MAML2: variants seen among roughly 807,000 people sequenced by gnomAD.
MAML2 encodes mastermind like transcriptional coactivator 2.
MAML2 carries 22 observed loss-of-function variants against 96.1 expected under a neutral mutation model. The ratio of observed to expected loss-of-function variants is 0.23; its 90% CI spans 0.16 to 0.33. The LOEUF (loss-of-function observed/expected upper bound fraction) is 0.33. Ranked by LOEUF, MAML2 falls within the 10% of genes least tolerant of loss-of-function variation. MAML2 has a pLI of 1.00. For missense variants in MAML2, 1,367 were observed against 1,392.4 expected (o/e 0.98, Z 0.29); for synonymous variants, 561 against 521.3 (o/e 1.08, Z -1.04).
At chr11:96,310,778 T>C (rs896383312) in intron 1 of MAML2, among the ~76,000 whole-genome samples, 6 of 152,198 alleles carry the variant, frequency 3.9e-5, no homozygotes, top group Admixed American at 2.0e-4. Context: ...GAAAATATGG[T>C]CAACTCTTCT....
At chr11:95,983,248 G>A (rs1201083707) in intron 4 of MAML2, among the ~76,000 whole-genome samples, 6 of 151,980 alleles carry the variant, frequency 3.9e-5, no homozygotes, top group South Asian at 2.1e-4. Context: ...GTTTGTGTGT[G>A]TTTGTGTCTT....
intron 1 of MAML2, among the ~76,000 whole-genome samples, chr11:96,264,645 T>G (rs1293979597): frequency 6.6e-6 from 1 of 152,218 alleles, no homozygotes; most frequent in Admixed American, 6.5e-5. Flanking sequence ...TCTACCGTAC[T>G]GGTTTCAAGT....
At chr11:96,099,032 CA>C (rs778677658) in intron 1 of MAML2, among the ~76,000 whole-genome samples, 45 of 151,684 alleles carry the variant, frequency 3.0e-4, no homozygotes, top group Non-Finnish European at 2.1e-4. Flanking sequence ...ATGTGCCACA[CA>C]AAGGTAACAA....
intron 2 of MAML2, among the ~76,000 whole-genome samples, chr11:96,043,967 A>G (rs1432798682): frequency 6.6e-6 from 1 of 152,272 alleles, no homozygotes; most frequent in Non-Finnish European, 1.5e-5. Flanking sequence ...GTAATCATCT[A>G]TGTCAATCAG....
At chr11:96,084,640 G>A (rs1489934220) in intron 2 of MAML2, among the ~76,000 whole-genome samples, 1 of 152,186 alleles carries the variant, frequency 6.6e-6, no homozygotes, top group Non-Finnish European at 1.5e-5. Context: ...GGGCAAAGAG[G>A]CTGGTTCAAA....
intron 1 of MAML2, among the ~76,000 whole-genome samples, chr11:96,142,278 C>T (rs965983287): frequency 6.6e-6 from 1 of 152,114 alleles, no homozygotes. Context: ...ATATGAGGTG[C>T]CCCTAGAAAA....
Position 96,031,117 on chromosome 11 carries a change from G to A in MAML2, c.2140-39394C>T, listed in dbSNP as rs1210565191. ...AGCACGTACGTTTCCTAGGGTTACTGTAAGAATTAACTAAGGTAATATATC... is the reference window on the plus strand; with the variant it reads ...AGCACGTACGTTTCCTAGGGTTACTATAAGAATTAACTAAGGTAATATATC... On this transcript the variant is annotated intron_variant, in intron 2 of 4. Transcript: ENST00000524717. 2.0e-5 allele frequency among the ~76,000 whole-genome samples: 3 copies of A among 152,222 alleles called. No homozygotes were observed. In the East Asian group the frequency reaches 5.8e-4, roughly 29 times the overall value.
chr11:95,979,069 T>G lies in MAML2; in HGVS notation c.3350A>C (p.Asn1117Thr). Residue 1117 changes from asparagine to threonine, a missense_variant, in exon 5 of 5, where the codon AAC becomes ACC. By Grantham distance (65) the Asn-to-Thr change is moderately conservative. Coordinates refer to ENST00000524717, the MANE Select transcript of MAML2 (RefSeq NM_032427.4). ...AFDFLSQQND[N>T]MGPALNSDAD... is the part of the protein sequence containing the mutation. ...ATCACTGTTTAGGGCAGGGCCCATG[T>G]TATCATTTTGTTGGCTGAGGAAGTC... 1.2e-6 allele frequency: 2 copies of G among 1,614,000 alleles called. No homozygotes were observed. Among genetic ancestry groups the G allele is most frequent in the Non-Finnish European group, 1.7e-6 (2 of 1,179,882 alleles).
chr11:96,330,165 T>C (rs1347157883), intron 1 of MAML2, among the ~76,000 whole-genome samples: 1 of 152,262 alleles, frequency 6.6e-6, no homozygotes, highest in East Asian at 1.9e-4. Context: ...TAATCGCTGT[T>C]TAGAGGAACA....
At chr11:96,332,890 A>G (rs910373442) in intron 1 of MAML2, among the ~76,000 whole-genome samples, 2 of 152,230 alleles carry the variant, frequency 1.3e-5, no homozygotes, top group African/African-American at 2.4e-5. Flanking sequence ...ATTGTATTCA[A>G]TTAAGCTACT....
At chr11:96,061,562 G>T (rs898066997) in intron 2 of MAML2, among the ~76,000 whole-genome samples, 1 of 152,084 alleles carries the variant, frequency 6.6e-6, no homozygotes, top group Non-Finnish European at 1.5e-5. Flanking sequence ...TGCTTCCTTG[G>T]AATATAGGTG....
At chr11:96,116,975 A>G (rs1211123526) in intron 1 of MAML2, among the ~76,000 whole-genome samples, 1 of 152,238 alleles carries the variant, frequency 6.6e-6, no homozygotes, top group Non-Finnish European at 1.5e-5. Context: ...ATAACAAATG[A>G]TGAATTGAAT....
At chr11:96,036,014 C>CA (rs1179567084) in intron 2 of MAML2, among the ~76,000 whole-genome samples, 1 of 152,002 alleles carries the variant, frequency 6.6e-6, no homozygotes, top group Non-Finnish European at 1.5e-5. Flanking sequence ...GTGAAACCCT[C>CA]AAAAAACAGA....
At chr11:96,175,778 T>TA (rs768427008) in intron 1 of MAML2, among the ~76,000 whole-genome samples, 1 of 152,054 alleles carries the variant, frequency 6.6e-6, no homozygotes, top group Non-Finnish European at 1.5e-5. Context: ...TTTATTGTAT[T>TA]TTTAGTACAG....
chr11:95,978,841 T>C lies in MAML2; in HGVS notation c.*107A>G. 1 of 1,031,440 alleles carries C rather than the reference T, an allele frequency of 9.7e-7. No individual in the cohort carries two copies. The highest frequency in any genetic ancestry group is 1.4e-6 in the Non-Finnish European group (1 of 730,448). 63.9% of individuals were successfully genotyped at this position (1,031,440 alleles called of 1,614,324 possible). On this transcript the variant is annotated 3_prime_UTR_variant, in exon 5 of 5. Coordinates refer to ENST00000524717, the MANE Select transcript of MAML2 (RefSeq NM_032427.4). ...TTCTGCTTTCCATTTTTAAGCATGT[T>C]ATCTTCATGTAGTCCACCTGAACAT...
At chr11:96,078,393 A>G (rs1201664270) in intron 2 of MAML2, among the ~76,000 whole-genome samples, 1 of 152,264 alleles carries the variant, frequency 6.6e-6, no homozygotes, top group Non-Finnish European at 1.5e-5. Flanking sequence ...GACTTTGGAT[A>G]GGCTAGCAGG....
At chr11:96,099,822 T>C (rs1361967113) in intron 1 of MAML2, among the ~76,000 whole-genome samples, 1 of 151,736 alleles carries the variant, frequency 6.6e-6, no homozygotes, top group Admixed American at 6.6e-5. Context: ...CATTTTTTAG[T>C]AGAGATGCAG....
chr11:96,078,830 C>A (rs1186981463), intron 2 of MAML2, among the ~76,000 whole-genome samples: 1 of 152,202 alleles, frequency 6.6e-6, no homozygotes, highest in Non-Finnish European at 1.5e-5. Flanking sequence ...TTCTTTCATT[C>A]ATTTTAAATC....
intron 1 of MAML2, among the ~76,000 whole-genome samples, chr11:96,248,113 C>CTTTT (rs35775102): frequency 1.5e-5 from 2 of 132,246 alleles, no homozygotes; most frequent in African/African-American, 2.8e-5. Flanking sequence ...TGTTTTTTTA[C>CTTTT]TTTTTTTTTT....
Sources: allele counts gnomAD v4.1 joint callset (sites outside exome capture counted in the v4.1 genomes callset), GRCh38; gene constraint gnomAD v4.1.1; transcripts MANE v1.5; gene names NCBI Gene and HGNC (gene_info 2026-07-23, HGNC 2026-07-21).